Variants in IP6K3 observed in about 807,000 individuals in gnomAD.
The protein encoded by IP6K3 is inositol hexakisphosphate kinase 3.
Under a neutral mutation model 28.8 loss-of-function variants are expected in IP6K3, and 20 were observed. The ratio of observed to expected loss-of-function variants is 0.70; its 90% confidence interval spans 0.49 to 1.01. The LOEUF is 1.01. Ranked by LOEUF, IP6K3 falls within the 50% of genes least tolerant of loss-of-function variation. The pLI, the probability that IP6K3 is intolerant of heterozygous loss-of-function variation, is 0.00. For missense variants in IP6K3, 480 were observed against 537.1 expected (o/e 0.89, Z 1.05); for synonymous variants, 213 against 221.3 (o/e 0.96, Z 0.33).
Position 33,735,231 on chromosome 6 carries a change from C to T in IP6K3, c.199+47G>A, listed in dbSNP as rs199660474. 3.3e-5 allele frequency: 51 copies of T among 1,537,722 alleles called. 1 individual carries two copies. The African/African-American group carries it at 4.4e-4, about 13-fold the overall frequency. On this transcript the variant is annotated intron_variant, in intron 2 of 5. Coordinates refer to ENST00000293756, the MANE Select transcript of IP6K3 (RefSeq NM_054111.5). Reference sequence around the variant, plus strand: ...TGGTGGGTGCATTGGATGAGCCGGCCCCCGTGTGGCAGCACCCAGACGTGG... The same window carrying T: ...TGGTGGGTGCATTGGATGAGCCGGCTCCCGTGTGGCAGCACCCAGACGTGG...
At chr6:33,751,058 C>T (rs185034473), upstream of IP6K3, among the ~76,000 whole-genome samples, 17 of 152,334 alleles carry the variant, frequency 1.1e-4, no homozygotes, top group African/African-American at 3.4e-4. This position sits in a 1 kb window ranked among gnomAD's most constrained non-coding sequence, Gnocchi z 4.3. Flanking sequence ...TTCTCCTCCC[C>T]GCCGCCCCAC....
intron 1 of IP6K3, among the ~76,000 whole-genome samples, chr6:33,737,334 A>T (rs1766563082): frequency 6.6e-6 from 1 of 152,040 alleles, no homozygotes; most frequent in Non-Finnish European, 1.5e-5. Context: ...CTGAGAGCAC[A>T]TTCCCACAGC....
chr6:33,751,257 C>T (rs142482206), upstream of IP6K3, among the ~76,000 whole-genome samples: 349 of 152,280 alleles, frequency 2.3e-3, 1 homozygote, highest in African/African-American at 7.7e-3. This position sits in a 1 kb window ranked among gnomAD's most constrained non-coding sequence, Gnocchi z 4.3. Context: ...CAGTTCAGGT[C>T]GTTGCATCAG....
the IP6K3 span, among the ~76,000 whole-genome samples, chr6:33,761,406 C>G: frequency 2.0e-5 from 3 of 152,238 alleles, no homozygotes; most frequent in Admixed American, 6.5e-5. Flanking sequence ...CGGGGCTGGC[C>G]AGGCCGCAGT....
At chr6:33,738,601 C>T (rs189022554) in intron 1 of IP6K3, among the ~76,000 whole-genome samples, 89 of 152,302 alleles carry the variant, frequency 5.8e-4, no homozygotes, top group Non-Finnish European at 5.7e-4. Context: ...GATGAGAAAA[C>T]GGAGGCACAG....
Position 33,723,070 on chromosome 6 carries a change from G to C in IP6K3, c.883C>G (p.Arg295Gly), listed in dbSNP as rs376369600. The C allele has an allele frequency of 6.2e-7, 1 of 1,614,152 alleles. No homozygotes were observed. The highest frequency in any genetic ancestry group is 1.1e-5 in the South Asian group (1 of 91,082). Residue 295 changes from arginine (R) to glycine (G), a missense_variant, in exon 6 of 6, where the codon CGG (arginine) becomes GGG (glycine). Physicochemically the swap from Arg to Gly is moderately radical, Grantham distance 125. Transcript: ENST00000293756. ...AGGATGGGCTCCAGGAGCTCCCTCC[G>C]GAGGTGGCTTCCATTATGTAGGAAC... is the stretch of plus-strand genomic sequence containing the variant. ...YQFLHNGSHL[R>G]RELLEPILHQ... is the part of the protein sequence containing the mutation.
Position 33,726,716 on chromosome 6 carries a change from G to T in IP6K3, c.589+15C>A. The T allele has an allele frequency of 1.9e-6, 3 of 1,563,794 alleles. No homozygotes were observed. Among genetic ancestry groups the T allele is most frequent in the Non-Finnish European group, 2.6e-6 (3 of 1,146,066 alleles). ...CCGCCCTTGGGACCACATGTGAGGGGGATGGCAAGGATACGATGCCGCTTG... is the reference window on the plus strand; with the variant it reads ...CCGCCCTTGGGACCACATGTGAGGGTGATGGCAAGGATACGATGCCGCTTG... On this transcript the variant is annotated intron_variant, in intron 4 of 5. Transcript: ENST00000293756.
At chr6:33,730,212 C>A (rs186708174) in intron 2 of IP6K3, among the ~76,000 whole-genome samples, 22 of 152,336 alleles carry the variant, frequency 1.4e-4, no homozygotes, top group African/African-American at 4.6e-4. Flanking sequence ...GCTCATCTCT[C>A]GGCTTGCATG....
intron 1 of IP6K3, among the ~76,000 whole-genome samples, chr6:33,736,701 C>T (rs1033827512): frequency 1.3e-5 from 2 of 152,176 alleles, no homozygotes; most frequent in Non-Finnish European, 2.9e-5. Flanking sequence ...CCACCATGCC[C>T]GGCCAGGAGT....
At chr6:33,738,768 A>T (rs1287617110) in intron 1 of IP6K3, among the ~76,000 whole-genome samples, 2 of 152,182 alleles carry the variant, frequency 1.3e-5, no homozygotes, top group East Asian at 3.8e-4. Flanking sequence ...TTGAGCCACA[A>T]GGAGGCCAGG....
chr6:33,738,113 G>A (rs1007935563), intron 1 of IP6K3, among the ~76,000 whole-genome samples: 2 of 152,220 alleles, frequency 1.3e-5, no homozygotes, highest in South Asian at 2.1e-4. Flanking sequence ...CTCCCCTCTC[G>A]CTGGGCTTGC....
chr6:33,733,699 A>T (rs1766403391), intron 2 of IP6K3, among the ~76,000 whole-genome samples: 1 of 152,162 alleles, frequency 6.6e-6, no homozygotes, highest in Non-Finnish European at 1.5e-5. Context: ...GGCCGGGAAG[A>T]CCCCAGGGAG....
intron 1 of IP6K3, among the ~76,000 whole-genome samples, chr6:33,738,433 G>A (rs1331334487): frequency 1.3e-5 from 2 of 152,248 alleles, no homozygotes; most frequent in Non-Finnish European, 2.9e-5. Context: ...GGATGTCACC[G>A]CGGCAAGGTG....
chr6:33,741,286 T>C (rs961022308), intron 1 of IP6K3, among the ~76,000 whole-genome samples: 1 of 152,166 alleles, frequency 6.6e-6, no homozygotes, highest in African/African-American at 2.4e-5. Context: ...CAGGACCTAG[T>C]CCATCCTGCC....
rs957167966 is a variant in IP6K3 at position 33,746,393 on chromosome 6, T to A, written c.-180+365A>T. Among the ~76,000 whole-genome samples the A allele has an allele frequency of 6.6e-6, 1 of 151,990 alleles. No homozygotes were observed. The highest frequency in any genetic ancestry group is 1.9e-4 in the East Asian group (1 of 5,174). The stretch of plus-strand genomic sequence containing the variant: ...TAAGGGTTAACGCAGCCCCCGGTAC[T>A]TGCCCCTCCCCCCAGCTTCCTCTGT... On this transcript the variant is annotated intron_variant, in intron 1 of 5. Transcript: ENST00000293756. This position sits in a 1 kb window ranked among gnomAD's most constrained non-coding sequence, Gnocchi z 6.5.
At chr6:33,724,852 A>G (rs1035836256) in intron 5 of IP6K3, among the ~76,000 whole-genome samples, 2 of 152,188 alleles carry the variant, frequency 1.3e-5, no homozygotes, top group Non-Finnish European at 2.9e-5. Flanking sequence ...CAGGAGCCAC[A>G]TGGCCACTGT....
intron 2 of IP6K3, among the ~76,000 whole-genome samples, chr6:33,728,794 C>T (rs539030954): frequency 2.0e-5 from 3 of 152,248 alleles, no homozygotes; most frequent in Admixed American, 6.5e-5. Flanking sequence ...CCTTCTTCTC[C>T]CTCCCACGTG....
chr6:33,740,346 C>T (rs1766673593), intron 1 of IP6K3, among the ~76,000 whole-genome samples: 1 of 152,236 alleles, frequency 6.6e-6, no homozygotes, highest in Non-Finnish European at 1.5e-5. Flanking sequence ...GCATCATGTC[C>T]TGAATGAAGT....
chr6:33,736,842 C>T (rs1412862317), intron 1 of IP6K3, among the ~76,000 whole-genome samples: 1 of 152,190 alleles, frequency 6.6e-6, no homozygotes, highest in Non-Finnish European at 1.5e-5. Flanking sequence ...CTCTGTAGAA[C>T]AGGATAATAA....
Sources: allele counts gnomAD v4.1 joint callset (sites outside exome capture counted in the v4.1 genomes callset), GRCh38; gene constraint gnomAD v4.1.1; non-coding constraint Gnocchi (gnomAD v3.1); transcripts MANE v1.5; gene names NCBI Gene and HGNC (gene_info 2026-07-23, HGNC 2026-07-21).